BCAS1: variants seen among roughly 807,000 people sequenced by gnomAD.
The protein encoded by BCAS1 is breast carcinoma-amplified sequence 1.
In BCAS1, 46 loss-of-function variants were observed where a neutral mutation model predicts 65.4. The observed-to-expected ratio is 0.70, with a 90% CI of 0.55 to 0.90. The LOEUF is 0.90. Among genes scored for constraint, BCAS1 ranks in the 40% least tolerant of loss-of-function variants. The probability of loss-of-function intolerance (pLI) is 0.00; values close to 1 mark genes in which losing one functional copy is unlikely to be tolerated. For synonymous variants in BCAS1, 298 were observed against 293.5 expected, an observed-to-expected ratio of 1.02 and a Z score of -0.16; for missense variants, 793 against 771.2, an observed-to-expected ratio of 1.03 and a Z score of -0.33.
intron 1 of BCAS1, among the ~76,000 whole-genome samples, chr20:54,065,816 T>TA (rs557800473): frequency 1.2e-4 from 18 of 152,160 alleles, no homozygotes; most frequent in Non-Finnish European, 2.5e-4. Flanking sequence ...GGAAGGACCA[T>TA]AATAGATTCC....
chr20:54,067,764 G>A (rs995619094), intron 1 of BCAS1, among the ~76,000 whole-genome samples: 1 of 152,130 alleles, frequency 6.6e-6, no homozygotes, highest in Admixed American at 6.5e-5. Context: ...TTGAATGGGA[G>A]GGGGGGTGGT....
At position 53,975,396 on chromosome 20, in the gene BCAS1, T is replaced by C; in HGVS notation, c.1310A>G (p.Glu437Gly). Residue 437 changes from glutamate to glycine, a missense_variant, in exon 9 of 13, where the codon GAG (glutamate) becomes GGG (glycine). Coordinates refer to ENST00000688948, the MANE Select transcript of BCAS1 (RefSeq NM_001366298.2). Reference protein sequence around the residue: ...VKEDSVPTGAEENVVCESPVE... With the variant: ...VKEDSVPTGAGENVVCESPVE... The stretch of plus-strand genomic sequence containing the variant: ...GTGGTGTGTGTAACTTACATTCTCC[T>C]CCGCACCTGTGGGGACTGAGTCCTC... The C allele has an allele frequency of 6.2e-7, 1 of 1,612,158 alleles. No individual in the cohort carries two copies. Among genetic ancestry groups the C allele is most frequent in the Non-Finnish European group, 8.5e-7 (1 of 1,178,652 alleles).
At chr20:54,001,156 G>C (rs1046517465) in intron 4 of BCAS1, among the ~76,000 whole-genome samples, 1 of 152,148 alleles carries the variant, frequency 6.6e-6, no homozygotes, top group African/African-American at 2.4e-5. Context: ...TGGCTTTTAA[G>C]ATTTGTTCGT....
chr20:53,955,596 G>A (rs1210694852), intron 11 of BCAS1, among the ~76,000 whole-genome samples: 4 of 152,188 alleles, frequency 2.6e-5, no homozygotes, highest in Admixed American at 1.3e-4. Flanking sequence ...CCATAACCTT[G>A]CTGTGTGACC....
At chr20:54,036,411 CTGCATGTTTTT>C (rs2091900831) in intron 3 of BCAS1, among the ~76,000 whole-genome samples, 1 of 151,158 alleles carries the variant, frequency 6.6e-6, no homozygotes, top group Non-Finnish European at 1.5e-5. Context: ...ATATTTTGTG[CTGCATGTTTTT>C]TTAAAGAAAG....
intron 3 of BCAS1, among the ~76,000 whole-genome samples, chr20:54,053,399 T>C (rs1373346643): frequency 1.3e-5 from 2 of 152,234 alleles, no homozygotes; most frequent in Non-Finnish European, 2.9e-5. Flanking sequence ...CAGAATGTAA[T>C]TTCATGTTTT....
chr20:54,053,078 T>C (rs984180127), intron 3 of BCAS1, among the ~76,000 whole-genome samples: 2 of 152,238 alleles, frequency 1.3e-5, no homozygotes, highest in South Asian at 2.1e-4. Context: ...TGTGTTTGTC[T>C]TAGTGGCATT....
At chr20:54,061,308 A>T (rs1601039491) in intron 1 of BCAS1, among the ~76,000 whole-genome samples, 1 of 152,206 alleles carries the variant, frequency 6.6e-6, no homozygotes, top group East Asian at 1.9e-4. Context: ...AAGACCCACC[A>T]AGGGCAAACA....
chr20:54,024,964 T>C lies in BCAS1; in HGVS notation c.723+3428A>G, dbSNP rs1184684349. 3.3e-5 allele frequency among the ~76,000 whole-genome samples: 5 copies of C among 152,178 alleles called. No homozygotes were observed. In the East Asian group the frequency reaches 7.7e-4, roughly 23 times the overall value. ...GCCAATCTGAGGACCGATGCACTTATCACAATGTCTCTTAAAATACTATGT... is the reference window on the plus strand; with the variant it reads ...GCCAATCTGAGGACCGATGCACTTACCACAATGTCTCTTAAAATACTATGT... On this transcript the variant is annotated intron_variant, in intron 4 of 12. Transcript: ENST00000688948.
At chr20:54,027,839 G>T (rs1310179060) in intron 4 of BCAS1, among the ~76,000 whole-genome samples, 1 of 150,380 alleles carries the variant, frequency 6.6e-6, no homozygotes, top group Admixed American at 6.6e-5. Flanking sequence ...TTTTACAAAG[G>T]TTTATTACTC....
intron 1 of BCAS1, among the ~76,000 whole-genome samples, chr20:54,062,650 C>T (rs1028002805): frequency 6.6e-5 from 10 of 152,302 alleles, no homozygotes; most frequent in African/African-American, 1.4e-4. Flanking sequence ...TGCTGGAAGA[C>T]GCATGGTGTA....
chr20:54,002,856 T>C (rs2091091119), intron 4 of BCAS1, among the ~76,000 whole-genome samples: 1 of 152,194 alleles, frequency 6.6e-6, no homozygotes, highest in Non-Finnish European at 1.5e-5. Context: ...CTGCTATTTG[T>C]TTTCCTAATT....
chr20:53,975,911 A>T (rs1219499684), intron 8 of BCAS1, among the ~76,000 whole-genome samples: 1 of 152,212 alleles, frequency 6.6e-6, no homozygotes, highest in Non-Finnish European at 1.5e-5. Flanking sequence ...TACAATAGGC[A>T]GGGTCCAAGC....
chr20:53,970,659 A>T lies in BCAS1; in HGVS notation c.1318-3586T>A, dbSNP rs992150615. ...TAGACATTGCATGAAGATGGCAGGT[A>T]CATCTAACATTGACAATATACATTT... On this transcript the variant is annotated intron_variant, in intron 9 of 12. Transcript: ENST00000688948. Among the ~76,000 whole-genome samples, 10 of 152,318 alleles carry T rather than the reference A, an allele frequency of 6.6e-5. 1 individual carries two copies. The highest frequency in any genetic ancestry group is 6.5e-5 in the Admixed American group (1 of 15,296).
intron 1 of BCAS1, among the ~76,000 whole-genome samples, chr20:54,065,106 TATCTATC>T (rs1306687071): frequency 2.1e-5 from 3 of 143,716 alleles, no homozygotes; most frequent in Non-Finnish European, 4.6e-5. Flanking sequence ...GATGAGTATC[TATCTATC>T]ATCTATCTAT....
chr20:54,022,558 T>C (rs2091584792), intron 4 of BCAS1, among the ~76,000 whole-genome samples: 1 of 152,192 alleles, frequency 6.6e-6, no homozygotes, highest in African/African-American at 2.4e-5. Context: ...TTTAAATGAT[T>C]GAGTATAACA....
intron 8 of BCAS1, among the ~76,000 whole-genome samples, chr20:53,979,159 A>C (rs988601309): frequency 6.6e-6 from 1 of 152,180 alleles, no homozygotes; most frequent in Non-Finnish European, 1.5e-5. Flanking sequence ...AACTCAAACC[A>C]TGTCTGGAAT....
At chr20:54,038,836 G>C (rs973627904) in intron 3 of BCAS1, among the ~76,000 whole-genome samples, 1 of 151,242 alleles carries the variant, frequency 6.6e-6, no homozygotes, top group Non-Finnish European at 1.5e-5. Flanking sequence ...ATTGCAAAGG[G>C]AAATTGTACA....
chr20:54,012,793 A>G (rs1475322161), intron 4 of BCAS1, among the ~76,000 whole-genome samples: 1 of 152,222 alleles, frequency 6.6e-6, no homozygotes, highest in Non-Finnish European at 1.5e-5. Context: ...CCAATTATAC[A>G]GATGAAGAAA....
Sources: allele counts gnomAD v4.1 joint callset (sites outside exome capture counted in the v4.1 genomes callset), GRCh38; gene constraint gnomAD v4.1.1; transcripts MANE v1.5; gene names NCBI Gene and HGNC (gene_info 2026-07-23, HGNC 2026-07-21).